Variants in TASP1 observed in about 807,000 individuals in gnomAD.
TASP1 encodes taspase 1.
TASP1 carries 16 observed loss-of-function variants against 56.6 expected under a neutral mutation model. That is an observed-to-expected ratio of 0.28 (90% CI 0.19 to 0.43). The LOEUF (loss-of-function observed/expected upper bound fraction) is 0.43. TASP1 is among the 20% of genes least tolerant of loss of function. The pLI is 1.00. For synonymous variants in TASP1, 179 were observed against 184.2 expected, an observed-to-expected ratio of 0.97 and a Z score of 0.23; for missense variants, 393 against 511.6, an observed-to-expected ratio of 0.77 and a Z score of 2.24.
intron 11 of TASP1, among the ~76,000 whole-genome samples, chr20:13,446,094 G>A (rs1020254240): frequency 6.6e-6 from 1 of 152,140 alleles, no homozygotes; most frequent in Non-Finnish European, 1.5e-5. Context: ...GAGAGACACA[G>A]TTGTATGACA....
At chr20:13,531,486 C>CTTTTTTTTTTTTTTT (rs148240627) in intron 9 of TASP1, among the ~76,000 whole-genome samples, 1 of 142,246 alleles carries the variant, frequency 7.0e-6, no homozygotes, top group Non-Finnish European at 1.5e-5. Flanking sequence ...ATTTCTTATC[C>CTTTTTTTTTTTTTTT]TTTTTTTTTT....
At chr20:13,432,242 T>A (rs7352968) in intron 12 of TASP1, among the ~76,000 whole-genome samples, 1 of 152,178 alleles carries the variant, frequency 6.6e-6, no homozygotes, top group Non-Finnish European at 1.5e-5. Context: ...GGAAGGGAAG[T>A]GGGACATGGT....
the TASP1 span, among the ~76,000 whole-genome samples, chr20:13,366,779 T>G: frequency 8.7e-3 from 1,325 of 152,262 alleles, 31 homozygotes; most frequent in African/African-American, 0.03. Context: ...CAGAGAACAT[T>G]CTTATAGTTG....
chr20:13,323,063 C>T, the TASP1 span, among the ~76,000 whole-genome samples: 5 of 151,978 alleles, frequency 3.3e-5, no homozygotes, highest in Non-Finnish European at 7.4e-5. Context: ...GGGGAAGACA[C>T]CACCCAGGCA....
chr20:13,144,251 A>G, the TASP1 span, among the ~76,000 whole-genome samples: 1 of 152,058 alleles, frequency 6.6e-6, no homozygotes, highest in Non-Finnish European at 1.5e-5. Flanking sequence ...TGGGCACTTG[A>G]TTTTCTATCT....
At chr20:13,296,544 A>G in the TASP1 span, among the ~76,000 whole-genome samples, 6 of 152,182 alleles carry the variant, frequency 3.9e-5, no homozygotes, top group African/African-American at 9.7e-5. Flanking sequence ...AGAGAAGTAA[A>G]TAAGGGAAAG....
chr20:13,378,369 T>C, the TASP1 span, among the ~76,000 whole-genome samples: 15 of 152,244 alleles, frequency 9.9e-5, no homozygotes, highest in Non-Finnish European at 1.9e-4. Context: ...TCAGCTTCCA[T>C]GTAGTTGTGC....
At chr20:13,239,637 C>T in the TASP1 span, 5 of 152,166 alleles carry the variant, frequency 3.3e-5, no homozygotes, top group Admixed American at 6.5e-5. Flanking sequence ...CAGGTTGGAC[C>T]GGGGCTTCAT....
chr20:13,318,687 G>A, the TASP1 span, among the ~76,000 whole-genome samples: 2 of 152,162 alleles, frequency 1.3e-5, no homozygotes, highest in African/African-American at 4.8e-5. Context: ...GCTATCCAGT[G>A]CTATTCAGTG....
In TASP1 at chr20:13,512,360, T is replaced by C. The variant is rs2044365291; in HGVS notation, c.874+16073A>G. Reference sequence around the variant, plus strand: ...TTTGCATTTATCTGATAAGCAGTGATGATGAGCATTTTTTCATGTGTCTGT... The same window carrying C: ...TTTGCATTTATCTGATAAGCAGTGACGATGAGCATTTTTTCATGTGTCTGT... On this transcript the variant is annotated intron_variant, in intron 10 of 13. Coordinates refer to ENST00000337743, the MANE Select transcript of TASP1 (RefSeq NM_017714.3). Among the ~76,000 whole-genome samples, 4 of 152,298 alleles carry C rather than the reference T, an allele frequency of 2.6e-5. No homozygotes were observed. In the South Asian group the frequency reaches 6.2e-4, roughly 24 times the overall value.
the TASP1 span, among the ~76,000 whole-genome samples, chr20:13,348,009 CCCAGGAGACATTTGG>C: frequency 6.6e-6 from 1 of 152,120 alleles, no homozygotes; most frequent in Non-Finnish European, 1.5e-5. Context: ...TATTTGCGCC[CCCAGGAGACATTTGG>C]CAATATCTAG....
At chr20:13,433,336 TA>T (rs2042878410) in intron 12 of TASP1, among the ~76,000 whole-genome samples, 1 of 152,156 alleles carries the variant, frequency 6.6e-6, no homozygotes, top group Non-Finnish European at 1.5e-5. Context: ...TGCTTATGTT[TA>T]AAACCAACCA....
the TASP1 span, among the ~76,000 whole-genome samples, chr20:13,310,926 G>A: frequency 6.6e-6 from 1 of 152,224 alleles, no homozygotes; most frequent in East Asian, 1.9e-4. Context: ...AGGCACGGTG[G>A]CTCACGCCTG....
intron 6 of TASP1, among the ~76,000 whole-genome samples, chr20:13,576,160 C>G (rs375603258): frequency 2.2e-5 from 3 of 135,126 alleles, no homozygotes; most frequent in African/African-American, 8.1e-5. Context: ...CGAGATCATG[C>G]CATTGCACTC....
the TASP1 span, among the ~76,000 whole-genome samples, chr20:13,295,723 C>A: frequency 6.6e-6 from 1 of 152,220 alleles, no homozygotes; most frequent in Non-Finnish European, 1.5e-5. Flanking sequence ...GAAAGGAAGG[C>A]AGGCTCAGCC....
At chr20:13,240,820 T>C in the TASP1 span, among the ~76,000 whole-genome samples, 2 of 152,260 alleles carry the variant, frequency 1.3e-5, no homozygotes, top group South Asian at 2.1e-4. Flanking sequence ...GGATATGCTG[T>C]TGGATTGCAT....
chr20:13,412,629 A>G (rs997952673), intron 13 of TASP1, among the ~76,000 whole-genome samples: 2 of 152,182 alleles, frequency 1.3e-5, no homozygotes, highest in African/African-American at 4.8e-5. Flanking sequence ...TTTTAAGCCT[A>G]GGAAAAAGCA....
At chr20:13,227,904 A>G in the TASP1 span, among the ~76,000 whole-genome samples, 1 of 151,402 alleles carries the variant, frequency 6.6e-6, no homozygotes, top group Non-Finnish European at 1.5e-5. Context: ...TACTACCAAT[A>G]ATTATTTAGA....
chr20:13,625,401 G>A (rs2070308), intron 2 of TASP1, 149 bp from the exon 3 acceptor site: 133,026 of 510,708 alleles, frequency 0.26, 21,842 homozygotes, highest in African/African-American at 0.63. Context: ...TCTTACTCCA[G>A]TGTAAGCCTT....
Sources: gnomAD v4.1 joint callset for allele counts (sites outside exome capture counted in the v4.1 genomes callset) on GRCh38, gnomAD v4.1.1 for gene constraint, MANE v1.5 for transcripts, NCBI Gene and HGNC (gene_info 2026-07-23, HGNC 2026-07-21) for gene names.